RBCK1: variants seen among roughly 807,000 people sequenced by gnomAD.
The protein encoded by RBCK1 is ranBP-type and C3HC4-type zinc finger-containing protein 1.
A neutral mutation model predicts 71.1 loss-of-function variants in RBCK1; 44 were observed. The observed-to-expected ratio is 0.62, with a 90% CI of 0.49 to 0.80. RBCK1 has a LOEUF of 0.80. RBCK1 is among the 30% of genes least tolerant of loss of function. The pLI, the probability that RBCK1 is intolerant of heterozygous loss-of-function variation, is 0.00. For missense variants in RBCK1, 569 were observed against 685.0 expected, an observed-to-expected ratio of 0.83 and a Z score of 1.89; for synonymous variants, 306 against 279.7, an observed-to-expected ratio of 1.09 and a Z score of -0.94.
At chr20:408,835 G>A in intron 1 of RBCK1, 56 bp downstream of exon 1, 1 of 1,584,052 alleles carries the variant, frequency 6.3e-7, no homozygotes, top group Non-Finnish European at 8.6e-7. Context: ...GGCCCCGCAG[G>A]ACCTGGCCTT....
At position 428,472 on chromosome 20, in the gene RBCK1, A is replaced by G; in HGVS notation, c.1210-19A>G. 3 of 1,569,848 alleles carry G rather than the reference A, an allele frequency of 1.9e-6. No homozygotes were observed. The highest frequency in any genetic ancestry group is 2.3e-5 in the East Asian group (1 of 43,662). On this transcript the variant is annotated intron_variant, in intron 9 of 11. Coordinates refer to ENST00000356286, the MANE Select transcript of RBCK1 (RefSeq NM_031229.4). This position sits in a 1 kb window ranked among gnomAD's most constrained non-coding sequence, Gnocchi z 5.7. ...CCCCCTGAGGAACCTTCTTACCTTG[A>G]GTCCCTCACCCGCTACAGGCCATCC...
intron 9 of RBCK1, among the ~76,000 whole-genome samples, chr20:427,703 C>G (rs538964683): frequency 6.6e-6 from 1 of 152,124 alleles, no homozygotes; most frequent in Non-Finnish European, 1.5e-5. Context: ...GATGGAGCCT[C>G]AAACCTAGGC....
At chr20:419,314 G>A (rs745843150) in intron 4 of RBCK1, 33 bp from the exon 5 acceptor site, 3 of 1,610,832 alleles carry the variant, frequency 1.9e-6, no homozygotes, top group East Asian at 4.5e-5. Flanking sequence ...AGTGGGCCGC[G>A]TGGAACCACC....
rs2016936729 is a variant in RBCK1, at chr20:430,001, T to G, written c.1453-349T>G. ...GGTGAGCACCCTTGCAGATGGTAGC[T>G]GTCGTTATTAGGGGTGTGCTCTGGA... On this transcript the variant is annotated intron_variant, in intron 11 of 11. Transcript: ENST00000356286. This position sits in a 1 kb window ranked among gnomAD's most constrained non-coding sequence, Gnocchi z 5.6. Among the ~76,000 whole-genome samples the G allele has an allele frequency of 6.6e-6, 1 of 152,244 alleles. No individual in the cohort carries two copies. The highest frequency in any genetic ancestry group is 1.5e-5 in the Non-Finnish European group (1 of 68,042).
In RBCK1 at chr20:428,662, G is replaced by T. The variant is rs959385876; in HGVS notation, c.1308+73G>T. 90 of 1,465,940 alleles carry T rather than the reference G, an allele frequency of 6.1e-5. No individual in the cohort carries two copies. Among genetic ancestry groups the T allele is most frequent in the Non-Finnish European group, 7.9e-5 (86 of 1,091,252 alleles). The allele number at this position is 1,465,940 out of a possible 1,614,324, so 90.8% of individuals were successfully genotyped here. A position where few individuals can be genotyped will look rare whatever the true frequency, so the allele number is the denominator to read the frequency against. ...CCAGGTGGGGGCTGGGGGCTTCCCA[G>T]TAAGGGCTGTGCTCACACATCCCTG... On this transcript the variant is annotated intron_variant, in intron 10 of 11. Coordinates refer to ENST00000356286, the MANE Select transcript of RBCK1 (RefSeq NM_031229.4). This position sits in a 1 kb window ranked among gnomAD's most constrained non-coding sequence, Gnocchi z 5.7.
chr20:410,943 T>G lies in RBCK1; in HGVS notation c.167+918T>G, dbSNP rs183479570. Among the ~76,000 whole-genome samples, 3 of 152,316 alleles carry G rather than the reference T, an allele frequency of 2.0e-5. No individual in the cohort carries two copies. In the East Asian group the frequency reaches 5.8e-4, roughly 29 times the overall value. ...ATGGCTTTTAGTATATTCAAGGTTG[T>G]GCAACCATTGCCACAATCAATTTTA... On this transcript the variant is annotated intron_variant, in intron 2 of 11. Transcript: ENST00000356286.
intron 4 of RBCK1, among the ~76,000 whole-genome samples, chr20:418,990 T>C (rs2016193561): frequency 6.6e-6 from 1 of 152,220 alleles, no homozygotes; most frequent in African/African-American, 2.4e-5. Context: ...TTTCTTTTTT[T>C]TGGCGGGGGT....
chr20:420,099 A>T (rs1470804822), intron 6 of RBCK1: 1 of 984,478 alleles, frequency 1.0e-6, no homozygotes, highest in East Asian at 1.1e-4. Context: ...CTCAGCTCGG[A>T]CCTCACCCCC....
intron 2 of RBCK1, 112 bp downstream of exon 2, chr20:410,137 AC>A (rs1475194940): frequency 4.1e-6 from 5 of 1,214,006 alleles, no homozygotes; most frequent in Non-Finnish European, 5.7e-6. Flanking sequence ...CTGGCTTCTA[AC>A]CCTAGTTATG....
At position 430,821 on chromosome 20, in the gene RBCK1, C is replaced by G; in HGVS notation, c.*391C>G. The G allele has an allele frequency of 4.3e-6, 1 of 232,118 alleles. No individual in the cohort carries two copies. Among genetic ancestry groups the G allele is most frequent in the Non-Finnish European group, 8.6e-6 (1 of 116,478 alleles). The allele number at this position is 232,118 out of a possible 1,614,324, so 14.4% of individuals were successfully genotyped here. On this transcript the variant is annotated 3_prime_UTR_variant, in exon 12 of 12. Coordinates refer to ENST00000356286, the MANE Select transcript of RBCK1 (RefSeq NM_031229.4). This position sits in a 1 kb window ranked among gnomAD's most constrained non-coding sequence, Gnocchi z 5.6. ...CTTCTCTGCCTTTGTGGTTGGAGGC[C>G]TGAGGCCTCTTGGAACTCTTGCTAA...
At chr20:409,399 C>T (rs980060924) in intron 1 of RBCK1, among the ~76,000 whole-genome samples, 11 of 152,192 alleles carry the variant, frequency 7.2e-5, no homozygotes, top group African/African-American at 2.7e-4. Context: ...AGTGTTACCC[C>T]CTCCCAGAGG....
chr20:418,493 G>C (rs568266212), intron 4 of RBCK1, among the ~76,000 whole-genome samples: 97 of 151,580 alleles, frequency 6.4e-4, no homozygotes, highest in Middle Eastern at 3.4e-3. Flanking sequence ...CTCAGCCTCC[G>C]GAGTAGCTGG....
chr20:414,229 A>G (rs1285223877), intron 2 of RBCK1, among the ~76,000 whole-genome samples: 1 of 152,184 alleles, frequency 6.6e-6, no homozygotes, highest in Admixed American at 6.5e-5. Context: ...TGGGCAACAT[A>G]GTGAGACCTT....
At chr20:423,830 C>T (rs568512214) in intron 8 of RBCK1, among the ~76,000 whole-genome samples, 12 of 152,184 alleles carry the variant, frequency 7.9e-5, no homozygotes, top group East Asian at 3.9e-4. Context: ...GGGTCAGCCG[C>T]GGTGGCCTGG....
Position 419,698 on chromosome 20 carries a change from G to A in RBCK1, c.723G>A (p.Ala241=), listed in dbSNP as rs762123098. 22 of 1,571,746 alleles carry A rather than the reference G, an allele frequency of 1.4e-5. No individual in the cohort carries two copies. Among genetic ancestry groups the A allele is most frequent in the East Asian group, 4.7e-5 (2 of 42,726 alleles). ...QPDEEERARL[A]GEEEALRQYQ... ...ACGAGGAGGAGCGAGCGCGCCTGGC[G>A]GGCGAGGAGGAGGCGCTGCGTCAGT... Residue 241 remains alanine (A), a synonymous_variant, in exon 6 of 12, where the codon GCG becomes GCA. Transcript: ENST00000356286.
rs958687257 is a variant in RBCK1, at chr20:422,988, A to G, written c.1029+750A>G. On this transcript the variant is annotated intron_variant, in intron 8 of 11. Transcript: ENST00000356286. The surrounding 1 kb of genome is among the most constrained non-coding windows in gnomAD (Gnocchi z 5.0). ...TCCAGGATTGCAAAGATTACAGTAGAGGATATGTGTATAGAATTCATAGTA... is the reference window on the plus strand; with the variant it reads ...TCCAGGATTGCAAAGATTACAGTAGGGGATATGTGTATAGAATTCATAGTA... Among the ~76,000 whole-genome samples, 2 of 152,156 alleles carry G rather than the reference A, an allele frequency of 1.3e-5. No homozygotes were observed. Among genetic ancestry groups the G allele is most frequent in the African/African-American group, 4.8e-5 (2 of 41,430 alleles).
rs74798178 is a variant in RBCK1 at position 410,320 on chromosome 20, T to C, written c.167+295T>C. The C allele has an allele frequency of 6.3e-4, 446 of 705,598 alleles. 4 individuals are homozygous for C. In the African/African-American group the frequency reaches 7.3e-3, roughly 12 times the overall value. 43.7% of individuals were successfully genotyped at this position (705,598 alleles called of 1,614,324 possible). ...AACGGAACAGTGACGTAAACAAATTTGATGGCAGGGAGTCCAGATAGGGAG... is the reference window on the plus strand; with the variant it reads ...AACGGAACAGTGACGTAAACAAATTCGATGGCAGGGAGTCCAGATAGGGAG... On this transcript the variant is annotated intron_variant, in intron 2 of 11. Transcript: ENST00000356286.
intron 2 of RBCK1, among the ~76,000 whole-genome samples, chr20:414,875 T>C (rs1324993625): frequency 6.6e-6 from 1 of 152,230 alleles, no homozygotes; most frequent in African/African-American, 2.4e-5. Context: ...TTTTTGTTTT[T>C]CAAGAACTTT....
At chr20:418,868 C>G (rs1161932692) in intron 4 of RBCK1, among the ~76,000 whole-genome samples, 1 of 152,200 alleles carries the variant, frequency 6.6e-6, no homozygotes, top group Admixed American at 6.5e-5. Context: ...TACTGGTATC[C>G]AGTCTACAGA....
Sources: allele counts gnomAD v4.1 joint callset (sites outside exome capture counted in the v4.1 genomes callset), GRCh38; gene constraint gnomAD v4.1.1; non-coding constraint Gnocchi (gnomAD v3.1); transcripts MANE v1.5; gene names NCBI Gene and HGNC (gene_info 2026-07-23, HGNC 2026-07-21).